Variants in CDKAL1 observed in about 807,000 individuals in gnomAD.
CDKAL1 encodes threonylcarbamoyladenosine tRNA methylthiotransferase.
Under a neutral mutation model 68.2 loss-of-function variants are expected in CDKAL1, and 32 were observed. The observed-to-expected ratio is 0.47, with a 90% CI of 0.35 to 0.63. The LOEUF (loss-of-function observed/expected upper bound fraction) is 0.63. Among genes scored for constraint, CDKAL1 ranks in the 30% least tolerant of loss-of-function variants. The probability of loss-of-function intolerance (pLI) is 0.00; values close to 1 mark genes in which losing one functional copy is unlikely to be tolerated. For synonymous variants in CDKAL1, 234 were observed against 244.3 expected, an observed-to-expected ratio of 0.96 and a Z score of 0.39; for missense variants, 606 against 696.7, an observed-to-expected ratio of 0.87 and a Z score of 1.47.
intron 8 of CDKAL1, among the ~76,000 whole-genome samples, chr6:20,805,288 A>G (rs1158996998): frequency 6.6e-6 from 1 of 152,184 alleles, no homozygotes; most frequent in Non-Finnish European, 1.5e-5. Context: ...AGTTCTTCTA[A>G]TGAGTCACCG....
At chr6:20,944,810 G>T (rs1195522953) in intron 9 of CDKAL1, among the ~76,000 whole-genome samples, 4 of 152,108 alleles carry the variant, frequency 2.6e-5, no homozygotes, top group Non-Finnish European at 4.4e-5. Flanking sequence ...TATTATAATG[G>T]TATTAAAATT....
chr6:20,868,329 A>G (rs1760016667), intron 9 of CDKAL1, among the ~76,000 whole-genome samples: 1 of 152,226 alleles, frequency 6.6e-6, no homozygotes, highest in South Asian at 2.1e-4. Context: ...GCTGTTCTGC[A>G]GTTATAGACC....
At chr6:20,935,631 T>A (rs1763668450) in intron 9 of CDKAL1, among the ~76,000 whole-genome samples, 1 of 152,038 alleles carries the variant, frequency 6.6e-6, no homozygotes, top group Non-Finnish European at 1.5e-5. Flanking sequence ...GGTTTTGCCA[T>A]ATTGGCCAGA....
chr6:20,551,616 C>G (rs575020101), intron 4 of CDKAL1, among the ~76,000 whole-genome samples: 2 of 152,036 alleles, frequency 1.3e-5, no homozygotes, highest in Admixed American at 6.6e-5. Context: ...GTGATCCACC[C>G]GCCTCGGCCT....
intron 2 of CDKAL1, among the ~76,000 whole-genome samples, chr6:20,541,651 C>A (rs1017710440): frequency 5.9e-5 from 9 of 151,950 alleles, no homozygotes; most frequent in African/African-American, 2.2e-4. Context: ...AAAGGGAAGT[C>A]TGTGATTGAC....
At chr6:20,624,338 C>T (rs1036912458) in intron 4 of CDKAL1, among the ~76,000 whole-genome samples, 1 of 151,480 alleles carries the variant, frequency 6.6e-6, no homozygotes, top group East Asian at 1.9e-4. Flanking sequence ...ATACCATTCC[C>T]CATCATTAGT....
intron 6 of CDKAL1, among the ~76,000 whole-genome samples, chr6:20,748,601 A>C (rs985155209): frequency 1.4e-5 from 2 of 142,356 alleles, no homozygotes; most frequent in African/African-American, 5.2e-5. Context: ...AAAAAGCTAT[A>C]GTAATCAAAA....
intron 10 of CDKAL1, among the ~76,000 whole-genome samples, chr6:20,991,040 G>A (rs1028852796): frequency 9.2e-5 from 14 of 152,226 alleles, no homozygotes; most frequent in Admixed American, 3.9e-4. Flanking sequence ...TTAATTGCAG[G>A]ATAGGGAAGT....
rs531434735 is a variant in CDKAL1, at chr6:20,904,721, G to T, written c.743-50698G>T. 3.8e-4 allele frequency among the ~76,000 whole-genome samples: 58 copies of T among 152,082 alleles called. No individual in the cohort carries two copies. The South Asian group carries it at 0.012, about 31-fold the overall frequency. ...GGAGGATTGCTTGAACCCAGGAGGC[G>T]GAGGTTGCGGCGAGCCGAGATTGCG... On this transcript the variant is annotated intron_variant, in intron 9 of 15. Coordinates refer to ENST00000274695, the MANE Select transcript of CDKAL1 (RefSeq NM_017774.3).
intron 13 of CDKAL1, among the ~76,000 whole-genome samples, chr6:21,170,771 T>C (rs1423647425): frequency 6.6e-6 from 1 of 152,166 alleles, no homozygotes; most frequent in East Asian, 1.9e-4. Flanking sequence ...CTTTGTGTAA[T>C]TTACAGAGGC....
At chr6:21,004,446 C>T (rs753282051) in intron 11 of CDKAL1, among the ~76,000 whole-genome samples, 11 of 152,120 alleles carry the variant, frequency 7.2e-5, no homozygotes, top group Non-Finnish European at 1.2e-4. Context: ...CAAAGAAGAG[C>T]GTCTAAATGA....
At chr6:20,851,030 T>TC (rs1206232800) in intron 9 of CDKAL1, among the ~76,000 whole-genome samples, 1 of 147,790 alleles carries the variant, frequency 6.8e-6, no homozygotes, top group Admixed American at 6.8e-5. Context: ...GTTTTTTTTT[T>TC]CTCTCTCTCA....
At chr6:20,798,837 C>T (rs1444693830) in intron 8 of CDKAL1, among the ~76,000 whole-genome samples, 2 of 147,620 alleles carry the variant, frequency 1.4e-5, no homozygotes, top group African/African-American at 5.0e-5. Context: ...GGGTGCAGCA[C>T]ACCAACATGG....
chr6:21,023,153 T>C (rs1198398938), intron 11 of CDKAL1, among the ~76,000 whole-genome samples: 1 of 151,788 alleles, frequency 6.6e-6, no homozygotes, highest in African/African-American at 2.4e-5. Flanking sequence ...ACCATTAGCC[T>C]TTGAACATTA....
In CDKAL1 at chr6:21,148,045, TG is replaced by T; in HGVS notation, c.1299+39584del. Among the ~76,000 whole-genome samples, 2 of 152,368 alleles carry T rather than the reference TG, an allele frequency of 1.3e-5. 1 individual carries two copies. Among genetic ancestry groups the T allele is most frequent in the South Asian group, 4.1e-4 (2 of 4,826 alleles). On this transcript the variant is annotated intron_variant, in intron 13 of 15. Transcript: ENST00000274695. The stretch of plus-strand genomic sequence containing the variant: ...GTGTATTTCCTTCCTCATAGATGTC[TG>T]GTCAGCCATATCTGAGATGAACTTG...
At chr6:20,664,779 C>T (rs989015959) in intron 5 of CDKAL1, among the ~76,000 whole-genome samples, 1 of 152,074 alleles carries the variant, frequency 6.6e-6, no homozygotes, top group African/African-American at 2.4e-5. Flanking sequence ...ATCTAGGCTG[C>T]AAGCTTTTTC....
At position 21,101,800 on chromosome 6, in the gene CDKAL1, A is replaced by G. The variant is rs113264097; in HGVS notation, c.1237-6601A>G. ...TGAAGGGTACTTCTCCTGTTTGGTT[A>G]TCTGTGCCAGCAGCCTGGGAGTCCT... On this transcript the variant is annotated intron_variant, in intron 12 of 15. Transcript: ENST00000274695. 1.5e-3 allele frequency among the ~76,000 whole-genome samples: 227 copies of G among 152,214 alleles called. 1 individual carries two copies. The highest frequency in any genetic ancestry group is 6.8e-3 in the Middle Eastern group (2 of 292).
rs116304730 is a variant in CDKAL1 at position 20,835,873 on chromosome 6, T to G, written c.639-10202T>G. 6.2e-3 allele frequency among the ~76,000 whole-genome samples: 942 copies of G among 152,206 alleles called. 13 individuals are homozygous for G. The highest frequency in any genetic ancestry group is 5.5e-3 in the Non-Finnish European group (371 of 67,996). ...CCTGGAACCCCTTTTCAACTTCAGTTTTCATATCTGAAAAATGGAGCTTCT... is the reference window on the plus strand; with the variant it reads ...CCTGGAACCCCTTTTCAACTTCAGTGTTCATATCTGAAAAATGGAGCTTCT... On this transcript the variant is annotated intron_variant, in intron 8 of 15. Transcript: ENST00000274695.
intron 15 of CDKAL1, among the ~76,000 whole-genome samples, chr6:21,208,308 A>G (rs1482515315): frequency 7.9e-5 from 12 of 152,304 alleles, no homozygotes; most frequent in Admixed American, 5.9e-4. Flanking sequence ...TACAAACTAT[A>G]CTATATTCTC....
Sources: gnomAD v4.1 joint callset for allele counts (sites outside exome capture counted in the v4.1 genomes callset) on GRCh38, gnomAD v4.1.1 for gene constraint, MANE v1.5 for transcripts, NCBI Gene and HGNC (gene_info 2026-07-23, HGNC 2026-07-21) for gene names.